Variants in POLR3F observed in about 807,000 individuals in gnomAD.
POLR3F encodes DNA-directed RNA polymerase III subunit RPC6.
In POLR3F, 31 loss-of-function variants were observed where a neutral mutation model predicts 43.6. That is an observed-to-expected ratio of 0.71 (90% CI 0.53 to 0.96). The LOEUF (loss-of-function observed/expected upper bound fraction) is 0.96, where lower values mean the gene tolerates loss of function less well. Ranked by LOEUF, POLR3F falls within the 40% of genes least tolerant of loss-of-function variation. The pLI is 0.00. For missense variants in POLR3F, 316 were observed against 391.7 expected, an observed-to-expected ratio of 0.81 and a Z score of 1.63; for synonymous variants, 114 against 132.5, an observed-to-expected ratio of 0.86 and a Z score of 0.96.
chr20:18,480,486 A>G lies in POLR3F; in HGVS notation c.658A>G (p.Ile220Val). The change falls in exon 7 of 9, where the codon ATC becomes GTC. Residue 220 changes from isoleucine to valine, a missense_variant. By Grantham distance (29) the Ile-to-Val change is conservative. Coordinates refer to ENST00000377603, the MANE Select transcript of POLR3F (RefSeq NM_006466.4). Reference protein sequence around the residue: ...FASSHEVWKYICELGISKVEL... With the variant: ...FASSHEVWKYVCELGISKVEL... ...CTCATCACATGAAGTGTGGAAATAT[A>G]TCTGCGAATTGGGAATCAGTAAGGT... The G allele has an allele frequency of 6.3e-7, 1 of 1,599,158 alleles. No homozygotes were observed. Among genetic ancestry groups the G allele is most frequent in the Admixed American group, 1.7e-5 (1 of 59,924 alleles).
In POLR3F at chr20:18,483,513, T is replaced by C; in HGVS notation, c.906T>C (p.Ile302=). 1 of 1,536,856 alleles carries C rather than the reference T, an allele frequency of 6.5e-7. No individual in the cohort carries two copies. Residue 302 remains isoleucine, a synonymous_variant, in exon 9 of 9, where the codon ATT becomes ATC. Transcript: ENST00000377603. The part of the protein sequence containing the change: ...VFDDCHEGGE[I]SPSNCIYMTE... ...ATGACTGCCACGAAGGTGGTGAGAT[T>C]TCACCATCTAACTGTATTTACATGA... is the stretch of plus-strand genomic sequence containing the variant.
rs2059694848 is a variant in POLR3F at position 18,467,430 on chromosome 20, T to C, written c.-77T>C. ...GCCTCAGCAGAGCGCTATCCTCCAC[T>C]GGTTCCCCGGGTTCCCCGGCTTGCT... On this transcript the variant is annotated 5_prime_UTR_variant, in exon 1 of 9. Coordinates refer to ENST00000377603, the MANE Select transcript of POLR3F (RefSeq NM_006466.4). 1 of 1,522,662 alleles carries C rather than the reference T, an allele frequency of 6.6e-7. No individual in the cohort carries two copies. The highest frequency in any genetic ancestry group is 1.7e-5 in the Admixed American group (1 of 59,690). 94.3% of individuals were successfully genotyped at this position (1,522,662 alleles called of 1,614,324 possible).
chr20:18,467,799 G>C (rs1333646157), intron 1 of POLR3F: 3 of 793,742 alleles, frequency 3.8e-6, no homozygotes, highest in Non-Finnish European at 5.7e-6. Context: ...GGCTGGCTTT[G>C]CCCTGATACT....
chr20:18,467,580 A>T lies in POLR3F; in HGVS notation c.62+12A>T, dbSNP rs981264249. ...GAAATAGAAAACAGGTAAACCAGTG[A>T]GGCTCCGGCTTGGCACTCCATCAGG... On this transcript the variant is annotated intron_variant, in intron 1 of 8. Transcript: ENST00000377603. 1.2e-6 allele frequency: 2 copies of T among 1,614,230 alleles called. No homozygotes were observed. The highest frequency in any genetic ancestry group is 3.3e-5 in the Admixed American group (2 of 60,036).
intron 3 of POLR3F, 123 bp downstream of exon 3, chr20:18,473,032 T>C (rs2059761785): frequency 2.1e-6 from 1 of 470,380 alleles, no homozygotes; most frequent in Non-Finnish European, 3.8e-6. Flanking sequence ...TCCTATGATA[T>C]ATTCCATTTC....
Position 18,472,830 on chromosome 20 carries a change from C to CT in POLR3F, c.181-10dup, listed in dbSNP as rs2059760502. 2 of 1,293,490 alleles carry CT rather than the reference C, an allele frequency of 1.5e-6. No individual in the cohort carries two copies. Among genetic ancestry groups the CT allele is most frequent in the Admixed American group, 4.1e-5 (2 of 49,230 alleles). 80.1% of individuals were successfully genotyped at this position (1,293,490 alleles called of 1,614,324 possible). On this transcript the variant is annotated splice_polypyrimidine_tract_variant and intron_variant, in intron 2 of 8. Coordinates refer to ENST00000377603, the MANE Select transcript of POLR3F (RefSeq NM_006466.4). ...ATAACTGACTCCTGTTTTCTACTGT[C>CT]TTAAAAACTAGGGTCAGTTGGATCT...
Position 18,481,776 on chromosome 20 carries a change from C to G in POLR3F, c.839C>G (p.Thr280Arg), listed in dbSNP as rs201177947. The change falls in exon 8 of 9, where the codon ACA becomes AGA. Residue 280 changes from threonine to arginine, a missense_variant. This residue lies in a region of POLR3F where 85 missense variants were observed against 80.2 expected (regional missense o/e 1.06). Coordinates refer to ENST00000377603, the MANE Select transcript of POLR3F (RefSeq NM_006466.4). ...GCAGTCAATCCAATCATCCCTCCCA[C>G]AGGTTTGGTCCGGGCACCCTGTGGA... Reference protein sequence around the residue: ...YRAVNPIIPPTGLVRAPCGLC... With the variant: ...YRAVNPIIPPRGLVRAPCGLC... 3 of 1,613,594 alleles carry G rather than the reference C, an allele frequency of 1.9e-6. 1 individual carries two copies. In the South Asian group the frequency reaches 3.3e-5, roughly 18 times the overall value.
At chr20:18,474,479 A>G (rs1343408855) in intron 4 of POLR3F, among the ~76,000 whole-genome samples, 1 of 152,042 alleles carries the variant, frequency 6.6e-6, no homozygotes, top group East Asian at 1.9e-4. Flanking sequence ...CATTGCATCC[A>G]TGATTTTTCC....
chr20:18,477,101 C>CA (rs2059784680), intron 5 of POLR3F, among the ~76,000 whole-genome samples: 3 of 147,334 alleles, frequency 2.0e-5, no homozygotes, highest in Non-Finnish European at 4.5e-5. Context: ...AAAAAACACA[C>CA]AATGAAAACA....
At position 18,478,255 on chromosome 20, in the gene POLR3F, A is replaced by G. The variant is rs998902268; in HGVS notation, c.430-1783A>G. Reference sequence around the variant, plus strand: ...TTTTGAGACATGGTCTGGCTCTGTCACCCAGACTGGAGTGCAGTGGCACAA... The same window carrying G: ...TTTTGAGACATGGTCTGGCTCTGTCGCCCAGACTGGAGTGCAGTGGCACAA... On this transcript the variant is annotated intron_variant, in intron 5 of 8. Coordinates refer to ENST00000377603, the MANE Select transcript of POLR3F (RefSeq NM_006466.4). Among the ~76,000 whole-genome samples the G allele has an allele frequency of 2.7e-3, 412 of 149,824 alleles. 3 individuals are homozygous for G. Among genetic ancestry groups the G allele is most frequent in the Non-Finnish European group, 2.8e-4 (19 of 67,636 alleles).
chr20:18,479,695 G>C (rs1427620681), intron 5 of POLR3F, among the ~76,000 whole-genome samples: 1 of 152,140 alleles, frequency 6.6e-6, no homozygotes, highest in African/African-American at 2.4e-5. Flanking sequence ...CGGTGTTTGA[G>C]AAACTGTCAC....
In POLR3F at chr20:18,484,086, G is replaced by A; in HGVS notation, c.*528G>A. The A allele has an allele frequency of 1.3e-5, 5 of 398,350 alleles. No homozygotes were observed. Among genetic ancestry groups the A allele is most frequent in the Non-Finnish European group, 1.3e-5 (3 of 225,998 alleles). 24.7% of individuals were successfully genotyped at this position (398,350 alleles called of 1,614,324 possible). The stretch of plus-strand genomic sequence containing the variant: ...CTTGGGGTATGACTGGGGGAGAGTG[G>A]AACATGCCTTTTCCGCACAATATTA... On this transcript the variant is annotated 3_prime_UTR_variant, in exon 9 of 9. Coordinates refer to ENST00000377603, the MANE Select transcript of POLR3F (RefSeq NM_006466.4).
At position 18,481,820 on chromosome 20, in the gene POLR3F, A is replaced by G. The variant is rs747394622; in HGVS notation, c.873+10A>G. On this transcript the variant is annotated intron_variant, in intron 8 of 8. Coordinates refer to ENST00000377603, the MANE Select transcript of POLR3F (RefSeq NM_006466.4). ...CTGTGGACTCTGCCCGGTGAGTTAAAGTGGCTTCACTTTACACTTGACTGC... is the reference window on the plus strand; with the variant it reads ...CTGTGGACTCTGCCCGGTGAGTTAAGGTGGCTTCACTTTACACTTGACTGC... The G allele has an allele frequency of 6.9e-6, 11 of 1,596,204 alleles. No individual in the cohort carries two copies. The highest frequency in any genetic ancestry group is 1.7e-6 in the Non-Finnish European group (2 of 1,165,248).
intron 7 of POLR3F, 52 bp downstream of exon 7, chr20:18,480,561 A>T: frequency 9.7e-7 from 1 of 1,028,170 alleles, no homozygotes; most frequent in East Asian, 2.5e-5. Flanking sequence ...TGTCACATAC[A>T]ATGTATTCCA....
At chr20:18,480,561 A>G in intron 7 of POLR3F, 52 bp downstream of exon 7, 2 of 1,028,170 alleles carry the variant, frequency 1.9e-6, no homozygotes, top group Non-Finnish European at 3.0e-6. Context: ...TGTCACATAC[A>G]ATGTATTCCA....
chr20:18,482,139 C>G (rs552459478), intron 8 of POLR3F, among the ~76,000 whole-genome samples: 63 of 152,150 alleles, frequency 4.1e-4, no homozygotes, highest in Non-Finnish European at 6.5e-4. Context: ...AGGCACCCAC[C>G]ACCATGCCCA....
chr20:18,483,014 C>T (rs1021386534), intron 8 of POLR3F, among the ~76,000 whole-genome samples: 3 of 152,158 alleles, frequency 2.0e-5, no homozygotes, highest in Non-Finnish European at 4.4e-5. Flanking sequence ...AGCCTCTCTA[C>T]TACTCCTAAC....
chr20:18,471,318 AG>A lies in POLR3F; in HGVS notation c.181-1522del, dbSNP rs1262760241. 2.0e-5 allele frequency among the ~76,000 whole-genome samples: 3 copies of A among 152,298 alleles called. No individual in the cohort carries two copies. In the East Asian group the frequency reaches 5.8e-4, roughly 29 times the overall value. The stretch of plus-strand genomic sequence containing the variant: ...ATTCTTTACAGATGACTAACGCATT[AG>A]GACTCAACTCTGCCATTGTCTCCAG... On this transcript the variant is annotated intron_variant, in intron 2 of 8. Coordinates refer to ENST00000377603, the MANE Select transcript of POLR3F (RefSeq NM_006466.4).
At chr20:18,472,699 G>A in intron 2 of POLR3F, 143 bp from the exon 3 acceptor site, 1 of 525,956 alleles carries the variant, frequency 1.9e-6, no homozygotes, top group Non-Finnish European at 3.4e-6. Flanking sequence ...ACAGGAAATT[G>A]TTAGTGATAT....
Sources: allele counts gnomAD v4.1 joint callset (sites outside exome capture counted in the v4.1 genomes callset), GRCh38; gene constraint gnomAD v4.1.1; regional missense constraint gnomAD v4.1.1; transcripts MANE v1.5; gene names NCBI Gene and HGNC (gene_info 2026-07-23, HGNC 2026-07-21).